The following CDK5RAP1 variants were observed in gnomAD, a reference collection of about 807,000 sequenced individuals.
CDK5RAP1 encodes the protein mitochondrial tRNA methylthiotransferase CDK5RAP1.
Under a neutral mutation model 64.5 loss-of-function variants are expected in CDK5RAP1, and 62 were observed. That is an observed-to-expected ratio of 0.96 (90% CI 0.78 to 1.19). The LOEUF (loss-of-function observed/expected upper bound fraction) is 1.19. Among genes scored for constraint, CDK5RAP1 ranks in the 50% most tolerant of loss-of-function variants. The pLI, the probability that CDK5RAP1 is intolerant of heterozygous loss-of-function variation, is 0.00. For missense variants in CDK5RAP1, 657 were observed against 735.0 expected (o/e 0.89, Z 1.23); for synonymous variants, 250 against 261.9 (o/e 0.95, Z 0.44).
intron 11 of CDK5RAP1, among the ~76,000 whole-genome samples, chr20:33,368,855 G>C (rs1984497105): frequency 6.6e-6 from 1 of 151,878 alleles, no homozygotes; most frequent in African/African-American, 2.4e-5. Flanking sequence ...TGGGCAACAA[G>C]AGCGAGACTC....
rs1988978402 is a variant in CDK5RAP1 at position 33,397,093 on chromosome 20, G to C, written c.-20-9C>G. ...ACTAAACAGCCCACAGTCTGCAAAAGAATGACAGACATCACCAGCATTTAT... is the reference window on the plus strand; with the variant it reads ...ACTAAACAGCCCACAGTCTGCAAAACAATGACAGACATCACCAGCATTTAT... On this transcript the variant is annotated splice_polypyrimidine_tract_variant and intron_variant, in intron 1 of 13. Transcript: ENST00000346416. The C allele has an allele frequency of 6.4e-7, 1 of 1,565,838 alleles. No homozygotes were observed. Among genetic ancestry groups the C allele is most frequent in the African/African-American group, 1.4e-5 (1 of 73,548 alleles).
chr20:33,362,328 G>A (rs780378663), intron 12 of CDK5RAP1, among the ~76,000 whole-genome samples: 7 of 152,148 alleles, frequency 4.6e-5, no homozygotes, highest in Non-Finnish European at 7.3e-5. Context: ...TCAGAATCAC[G>A]TATGTCAGAA....
chr20:33,385,702 C>T lies in CDK5RAP1; in HGVS notation c.824G>A (p.Arg275Lys). 1 of 1,614,146 alleles carries T rather than the reference C, an allele frequency of 6.2e-7. No homozygotes were observed. Among genetic ancestry groups the T allele is most frequent in the Non-Finnish European group, 8.5e-7 (1 of 1,179,958 alleles). ...TAGAATGGAGGCAATAGGCCGACTC[C>T]TCTCCCTGCCCCGGGTGAAAGGAAC... The part of the protein sequence containing the change: ...CIVPFTRGRE[R>K]SRPIASILEE... The change falls in exon 7 of 14, where the codon AGG (arginine) becomes AAG (lysine). Residue 275 changes from arginine to lysine, a missense_variant. Transcript: ENST00000346416.
chr20:33,385,763 T>G lies in CDK5RAP1; in HGVS notation c.763A>C (p.Met255Leu), dbSNP rs984863583. ...ASATSAFVSIMRGCDNMCSYC... is the reference protein window; with the variant it reads ...ASATSAFVSILRGCDNMCSYC... ...CTACACATGTTGTCACAGCCTCGCA[T>G]GATTGACCTGGAGAAGAAAGTACCA... Residue 255 changes from methionine to leucine, a missense_variant, in exon 7 of 14, where the codon ATG (methionine) becomes CTG (leucine). By Grantham distance (15) the Met-to-Leu change is conservative. Coordinates refer to ENST00000346416, the MANE Select transcript of CDK5RAP1 (RefSeq NM_016408.4). 5 of 1,612,078 alleles carry G rather than the reference T, an allele frequency of 3.1e-6. No homozygotes were observed. In the Admixed American group the frequency reaches 5.0e-5, roughly 16 times the overall value.
At chr20:33,388,697 G>A (rs1011282119) in intron 5 of CDK5RAP1, among the ~76,000 whole-genome samples, 2 of 151,826 alleles carry the variant, frequency 1.3e-5, no homozygotes, top group Middle Eastern at 3.4e-3. Flanking sequence ...CTGTGCTGCC[G>A]CCATCTCTGC....
At chr20:33,376,586 T>C (rs1986021243) in intron 8 of CDK5RAP1, among the ~76,000 whole-genome samples, 1 of 152,216 alleles carries the variant, frequency 6.6e-6, no homozygotes, top group South Asian at 2.1e-4. Context: ...ACAAGGAGAT[T>C]ATTAGTGTCG....
In CDK5RAP1 at chr20:33,392,197, T is replaced by A; in HGVS notation, c.489A>T (p.Lys163Asn). 2 of 1,614,100 alleles carry A rather than the reference T, an allele frequency of 1.2e-6. No homozygotes were observed. Among genetic ancestry groups the A allele is most frequent in the Non-Finnish European group, 1.7e-6 (2 of 1,179,942 alleles). ...QTIWNRLHQLKALKTRRPRSR... is the reference protein window; with the variant it reads ...QTIWNRLHQLNALKTRRPRSR... ...AGCGGGGCCGCCTTGTCTTCAAGGC[T>A]TTAAGCTGATGTAAACGGTTCCAGA... Residue 163 changes from lysine to asparagine, a missense_variant, in exon 5 of 14, where the codon AAA becomes AAT. By Grantham distance (94) the Lys-to-Asn change is moderately conservative. Coordinates refer to ENST00000346416, the MANE Select transcript of CDK5RAP1 (RefSeq NM_016408.4).
chr20:33,387,939 G>A (rs1271162975), intron 5 of CDK5RAP1, among the ~76,000 whole-genome samples: 1 of 151,992 alleles, frequency 6.6e-6, no homozygotes, highest in Non-Finnish European at 1.5e-5. Context: ...GGTGGCACAT[G>A]CCTGTAATCC....
chr20:33,371,328 T>A (rs1984983311), intron 10 of CDK5RAP1, among the ~76,000 whole-genome samples: 1 of 152,000 alleles, frequency 6.6e-6, no homozygotes, highest in Non-Finnish European at 1.5e-5. Context: ...CCCAGTGAGG[T>A]GAGTACTATT....
chr20:33,386,822 CTA>C (rs1407640332), intron 6 of CDK5RAP1, among the ~76,000 whole-genome samples: 2 of 150,206 alleles, frequency 1.3e-5, no homozygotes, highest in Non-Finnish European at 3.0e-5. Context: ...ACTTAGCAGG[CTA>C]TAGTCTCTGT....
intron 11 of CDK5RAP1, among the ~76,000 whole-genome samples, chr20:33,369,120 C>CA (rs1201799613): frequency 6.7e-6 from 1 of 149,510 alleles, no homozygotes; most frequent in Non-Finnish European, 1.5e-5. Context: ...AGCCTGGTGA[C>CA]AGAGCGAGAC....
In CDK5RAP1 at chr20:33,372,276, TA is replaced by T. The variant is rs140253341; in HGVS notation, c.1261+365del. 4.0e-4 allele frequency among the ~76,000 whole-genome samples: 56 copies of T among 138,974 alleles called. No individual in the cohort carries two copies. The South Asian group carries it at 5.2e-3, about 13-fold the overall frequency. The allele number at this position is 138,974 out of a possible 152,430, so 91.2% of individuals were successfully genotyped here. A position where few individuals can be genotyped will look rare whatever the true frequency, so the allele number is the denominator to read the frequency against. On this transcript the variant is annotated intron_variant, in intron 10 of 13. Coordinates refer to ENST00000346416, the MANE Select transcript of CDK5RAP1 (RefSeq NM_016408.4). The stretch of plus-strand genomic sequence containing the variant: ...AATAAGAATAGTAAGTTCTTATTTC[TA>T]AAAAAAAAAAAAAAAGATATCAATT...
intron 1 of CDK5RAP1, among the ~76,000 whole-genome samples, chr20:33,399,409 G>A (rs1050022307): frequency 6.6e-6 from 1 of 152,120 alleles, no homozygotes; most frequent in African/African-American, 2.4e-5. Context: ...CGAAGTCTAG[G>A]TGGGGTCCTC....
intron 2 of CDK5RAP1, among the ~76,000 whole-genome samples, chr20:33,395,900 G>A (rs1159542708): frequency 1.3e-5 from 2 of 152,112 alleles, no homozygotes; most frequent in African/African-American, 4.8e-5. Flanking sequence ...TGTAATCCCA[G>A]CTACTCAGGA....
At chr20:33,392,602 T>C (rs1406827153) in intron 4 of CDK5RAP1, among the ~76,000 whole-genome samples, 1 of 152,082 alleles carries the variant, frequency 6.6e-6, no homozygotes, top group African/African-American at 2.4e-5. Flanking sequence ...CTTAAATGTG[T>C]ATCTGCCATT....
chr20:33,376,622 C>T (rs958748189), intron 8 of CDK5RAP1, among the ~76,000 whole-genome samples: 12 of 152,182 alleles, frequency 7.9e-5, no homozygotes, highest in African/African-American at 2.9e-4. Context: ...ACACAATATC[C>T]ATTTTGCAGC....
At chr20:33,368,119 T>C (rs527665693) in intron 11 of CDK5RAP1, among the ~76,000 whole-genome samples, 1 of 152,340 alleles carries the variant, frequency 6.6e-6, no homozygotes, top group South Asian at 2.1e-4. Flanking sequence ...TTGCCCAATG[T>C]CACGTAGTTA....
In CDK5RAP1 at chr20:33,387,434, A is replaced by G. The variant is rs1987585786; in HGVS notation, c.644T>C (p.Leu215Pro). 6.2e-7 allele frequency: 1 copy of G among 1,614,220 alleles called. No homozygotes were observed. The highest frequency in any genetic ancestry group is 8.5e-7 in the Non-Finnish European group (1 of 1,180,046). The change falls in exon 6 of 14, where the codon CTG becomes CCG. Residue 215 changes from leucine (L) to proline (P), a missense_variant. Physicochemically the swap from Leu to Pro is moderately conservative, Grantham distance 98. Transcript: ENST00000346416. Reference sequence around the variant, plus strand: ...TTGCTGGCCCGACTCAGCAACAGCCAGCAGCCGGGGAAGGTCCCGGTAGGC... The same window carrying G: ...TTGCTGGCCCGACTCAGCAACAGCCGGCAGCCGGGGAAGGTCCCGGTAGGC... Reference protein sequence around the residue: ...PDAYRDLPRLLAVAESGQQAA... With the variant: ...PDAYRDLPRLPAVAESGQQAA...
intron 10 of CDK5RAP1, among the ~76,000 whole-genome samples, chr20:33,372,143 T>C (rs1275553305): frequency 1.3e-5 from 2 of 152,122 alleles, no homozygotes; most frequent in South Asian, 4.1e-4. Context: ...TCTCTCCATA[T>C]TATGCTTAAA....
Sources: allele counts gnomAD v4.1 joint callset (sites outside exome capture counted in the v4.1 genomes callset), GRCh38; gene constraint gnomAD v4.1.1; transcripts MANE v1.5; gene names NCBI Gene and HGNC (gene_info 2026-07-23, HGNC 2026-07-21).